CPED1: variants seen among roughly 807,000 people sequenced by gnomAD.
The protein encoded by CPED1 is cadherin-like and PC-esterase domain-containing protein 1.
CPED1 carries 114 observed loss-of-function variants against 128.2 expected under a neutral mutation model. That is an observed-to-expected ratio of 0.89 (90% confidence interval 0.76 to 1.04). The LOEUF (loss-of-function observed/expected upper bound fraction) is 1.04, where lower values mean the gene tolerates loss of function less well. Ranked by LOEUF, CPED1 falls within the 50% of genes least tolerant of loss-of-function variation. The probability of loss-of-function intolerance (pLI) is 0.00; values close to 1 mark genes in which losing one functional copy is unlikely to be tolerated. For synonymous variants in CPED1, 462 were observed against 426.7 expected (o/e 1.08, Z -1.02); for missense variants, 1,211 against 1,207.1 (o/e 1.00, Z -0.05).
chr7:121,235,223 T>C (rs1003853393), intron 16 of CPED1, among the ~76,000 whole-genome samples: 2 of 152,168 alleles, frequency 1.3e-5, no homozygotes, highest in African/African-American at 4.8e-5. Context: ...AAGTATCATT[T>C]ATAGATGTTT....
chr7:121,242,301 T>C (rs1798415318), intron 17 of CPED1, among the ~76,000 whole-genome samples: 1 of 152,228 alleles, frequency 6.6e-6, no homozygotes, highest in Non-Finnish European at 1.5e-5. Flanking sequence ...CTAGTTCTAC[T>C]ACTTACTAAC....
intron 5 of CPED1, among the ~76,000 whole-genome samples, chr7:121,088,669 G>A (rs570047370): frequency 1.4e-3 from 159 of 112,402 alleles, no homozygotes; most frequent in African/African-American, 5.0e-3. Flanking sequence ...AAAAAAAAAA[G>A]AAAAGTAGTC....
chr7:120,997,933 AAAAT>A (rs1383108523), intron 2 of CPED1, among the ~76,000 whole-genome samples: 135 of 5,844 alleles, frequency 0.023, 2 homozygotes, highest in East Asian at 0.13. Context: ...GAAAAAAAAT[AAAAT>A]AAAATAAAAT....
At chr7:121,289,594 T>C (rs1229973429) in intron 22 of CPED1, among the ~76,000 whole-genome samples, 6 of 152,166 alleles carry the variant, frequency 3.9e-5, no homozygotes, top group African/African-American at 7.2e-5. Flanking sequence ...TTTGTTTATA[T>C]GGAACTGTTT....
chr7:121,015,550 TC>T, intron 2 of CPED1, 114 bp from the exon 3 acceptor site: 1 of 944,354 alleles, frequency 1.1e-6, no homozygotes, highest in Non-Finnish European at 1.6e-6. Flanking sequence ...GCCTTTCACT[TC>T]TAGAGAAAAA....
chr7:121,088,237 G>A (rs1167885991), intron 5 of CPED1, among the ~76,000 whole-genome samples: 1 of 152,088 alleles, frequency 6.6e-6, no homozygotes, highest in East Asian at 1.9e-4. Flanking sequence ...CTAAAGCCTG[G>A]GTTAGCGTAT....
chr7:121,211,017 A>G (rs908450773), intron 16 of CPED1, among the ~76,000 whole-genome samples: 8 of 152,090 alleles, frequency 5.3e-5, no homozygotes, highest in African/African-American at 1.7e-4. Context: ...GATCTACACC[A>G]TTATTTTTAT....
chr7:121,029,833 C>A (rs77017521), intron 3 of CPED1, among the ~76,000 whole-genome samples: 2,169 of 152,226 alleles, frequency 0.014, 107 homozygotes, highest in East Asian at 0.1. Context: ...TTATATCAGA[C>A]ATTTTGAATT....
chr7:121,073,101 G>A (rs944117921), intron 5 of CPED1, among the ~76,000 whole-genome samples: 3 of 152,018 alleles, frequency 2.0e-5, no homozygotes, highest in Non-Finnish European at 4.4e-5. Flanking sequence ...ACTACTAATG[G>A]CCTACTGATG....
chr7:121,230,184 T>A (rs1798105773), intron 16 of CPED1, among the ~76,000 whole-genome samples: 1 of 151,966 alleles, frequency 6.6e-6, no homozygotes, highest in African/African-American at 2.4e-5. Context: ...AAGACACAGA[T>A]CAAAATAGTA....
rs950457773 is a variant in CPED1 at position 121,248,056 on chromosome 7, C to T, written c.2310+3718C>T. The stretch of plus-strand genomic sequence containing the variant: ...CCTGGGAGCACTTTAGATCCCCTAG[C>T]GCACCTGAAACCTAACTCCAAGGGT... On this transcript the variant is annotated intron_variant, in intron 18 of 22. Transcript: ENST00000310396. Among the ~76,000 whole-genome samples, 7 of 152,310 alleles carry T rather than the reference C, an allele frequency of 4.6e-5. 1 individual carries two copies. The highest frequency in any genetic ancestry group is 4.1e-4 in the South Asian group (2 of 4,826).
intron 14 of CPED1, among the ~76,000 whole-genome samples, chr7:121,137,362 G>C (rs1235211731): frequency 6.6e-6 from 1 of 151,938 alleles, no homozygotes; most frequent in Non-Finnish European, 1.5e-5. Context: ...GTATAGAAAG[G>C]AGGTCTTGCT....
chr7:121,117,178 G>C lies in CPED1; in HGVS notation c.919-7153G>C, dbSNP rs544006194. Among the ~76,000 whole-genome samples, 5 of 149,612 alleles carry C rather than the reference G, an allele frequency of 3.3e-5. No homozygotes were observed. The East Asian group carries it at 9.9e-4, about 30-fold the overall frequency. On this transcript the variant is annotated intron_variant, in intron 7 of 22. Coordinates refer to ENST00000310396, the MANE Select transcript of CPED1 (RefSeq NM_024913.5). ...TGCAGTGGCATGATCTCAGCTCACT[G>C]CAACCTCTGCCTCCCAAATTCAAAT...
chr7:121,120,986 A>AAAAAAAAAAATT (rs1795370914), intron 7 of CPED1, among the ~76,000 whole-genome samples: 1 of 139,512 alleles, frequency 7.2e-6, no homozygotes, highest in Non-Finnish European at 1.6e-5. Context: ...AAAAAAAAAA[A>AAAAAAAAAAATT]ACAAAAAAAC....
chr7:121,147,103 C>T (rs1308748529), intron 16 of CPED1, among the ~76,000 whole-genome samples: 1 of 152,124 alleles, frequency 6.6e-6, no homozygotes, highest in Admixed American at 6.6e-5. Flanking sequence ...TTGAGAACCA[C>T]TGGTTTAGAC....
At chr7:121,042,287 T>C (rs1309633528) in intron 3 of CPED1, among the ~76,000 whole-genome samples, 1 of 152,132 alleles carries the variant, frequency 6.6e-6, no homozygotes, top group East Asian at 1.9e-4. Flanking sequence ...GCCAATAGTA[T>C]GATGGGGCAC....
chr7:121,184,922 T>A (rs1563057927), intron 16 of CPED1, among the ~76,000 whole-genome samples: 1 of 152,160 alleles, frequency 6.6e-6, no homozygotes, highest in African/African-American at 2.4e-5. Context: ...TTGCTATGTC[T>A]GGAACCATTT....
chr7:121,084,410 A>G (rs996109027), intron 5 of CPED1, among the ~76,000 whole-genome samples: 1 of 152,200 alleles, frequency 6.6e-6, no homozygotes, highest in Non-Finnish European at 1.5e-5. Context: ...CGATTACACC[A>G]TAGGGTGTAA....
At chr7:121,059,936 G>C (rs1793608231) in intron 4 of CPED1, among the ~76,000 whole-genome samples, 1 of 152,232 alleles carries the variant, frequency 6.6e-6, no homozygotes, top group South Asian at 2.1e-4. Flanking sequence ...GCCAAGACCG[G>C]AGCCGTCTCC....
Sources: gnomAD v4.1 joint callset for allele counts (sites outside exome capture counted in the v4.1 genomes callset) on GRCh38, gnomAD v4.1.1 for gene constraint, MANE v1.5 for transcripts, NCBI Gene and HGNC (gene_info 2026-07-23, HGNC 2026-07-21) for gene names.